Variants in POU2F1 observed in about 807,000 individuals in gnomAD.
POU2F1 encodes POU domain, class 2, transcription factor 1.
POU2F1 carries 16 observed loss-of-function variants against 84.9 expected under a neutral mutation model. That is an observed-to-expected ratio of 0.19 (90% CI 0.13 to 0.29). POU2F1 has a LOEUF of 0.29. POU2F1 is among the 10% of genes least tolerant of loss of function. The probability of loss-of-function intolerance (pLI) is 1.00; values close to 1 mark genes in which losing one functional copy is unlikely to be tolerated. For missense variants in POU2F1, 738 were observed against 942.6 expected (o/e 0.78, Z 2.84); for synonymous variants, 368 against 368.3 (o/e 1.00, Z 0.01).
Position 167,374,112 on chromosome 1 carries a change from C to T in POU2F1, c.407C>T (p.Thr136Ile). ...ATGTGTTCTGGTTTTGTTTAGCTTA[C>T]TTTGACGCCTGCCCAGCAACAGTTA... ...MLAGGQITGL[T>I]LTPAQQQLLL... is the part of the protein sequence containing the mutation. Residue 136 changes from threonine (T) to isoleucine (I), a missense_variant, in exon 6 of 16, where the codon ACT (threonine) becomes ATT (isoleucine). By Grantham distance (89) the Thr-to-Ile change is moderately conservative (BLOSUM62 -1). This residue lies in a region of POU2F1 where 163 missense variants were observed against 214.4 expected (regional missense o/e 0.76). Coordinates refer to ENST00000367866, the MANE Select transcript of POU2F1 (RefSeq NM_002697.4). 4.3e-6 allele frequency: 7 copies of T among 1,614,092 alleles called. No homozygotes were observed. Among genetic ancestry groups the T allele is most frequent in the Non-Finnish European group, 4.2e-6 (5 of 1,180,000 alleles).
At chr1:167,335,031 G>A (rs946954618) in intron 2 of POU2F1, among the ~76,000 whole-genome samples, 11 of 152,080 alleles carry the variant, frequency 7.2e-5, no homozygotes, top group African/African-American at 9.7e-5. Flanking sequence ...GTGTTGATAC[G>A]TTAATTCTAT....
chr1:167,286,994 C>G lies in POU2F1; in HGVS notation c.62-45476C>G, dbSNP rs73022209. On this transcript the variant is annotated intron_variant, in intron 1 of 15. Coordinates refer to ENST00000367866, the MANE Select transcript of POU2F1 (RefSeq NM_002697.4). ...CCTAAGTAAGGGCCTTTGTTCAAAC[C>G]ACACTCCAGAGCTTTGTGTTGTACT... is the stretch of plus-strand genomic sequence containing the variant. Among the ~76,000 whole-genome samples, 794 of 152,296 alleles carry G rather than the reference C, an allele frequency of 5.2e-3. 9 individuals are homozygous for G. Among genetic ancestry groups the G allele is most frequent in the African/African-American group, 0.018 (730 of 41,550 alleles).
intron 1 of POU2F1, among the ~76,000 whole-genome samples, chr1:167,282,265 T>C (rs1261398254): frequency 6.8e-6 from 1 of 146,812 alleles, no homozygotes; most frequent in Non-Finnish European, 1.5e-5. Context: ...TGCCTCAGCC[T>C]CCCGAATAGC....
rs375155883 is a variant in POU2F1, at chr1:167,372,040, A to G, written c.402+4A>G. On this transcript the variant is annotated splice_donor_region_variant and intron_variant, in intron 5 of 15. Coordinates refer to ENST00000367866, the MANE Select transcript of POU2F1 (RefSeq NM_002697.4). Reference sequence around the variant, plus strand: ...AGCTGGAGGACAGATAACTGGGGTAAGTGTTCACTGAGAGAATTATAACAA... The same window carrying G: ...AGCTGGAGGACAGATAACTGGGGTAGGTGTTCACTGAGAGAATTATAACAA... 1.4e-5 allele frequency: 23 copies of G among 1,609,416 alleles called. No individual in the cohort carries two copies. Among genetic ancestry groups the G allele is most frequent in the Non-Finnish European group, 2.0e-5 (23 of 1,178,206 alleles).
chr1:167,386,549 T>G (rs1233471120), intron 8 of POU2F1, among the ~76,000 whole-genome samples: 1 of 152,204 alleles, frequency 6.6e-6, no homozygotes. Flanking sequence ...TCCCTAGAAA[T>G]GAAAGCATAC....
intron 1 of POU2F1, among the ~76,000 whole-genome samples, chr1:167,253,216 G>C (rs1650858384): frequency 6.6e-6 from 1 of 152,170 alleles, no homozygotes; most frequent in African/African-American, 2.4e-5. Flanking sequence ...TGCTTTTAAT[G>C]GTTTGAATTA....
At position 167,265,487 on chromosome 1, in the gene POU2F1, G is replaced by A. The variant is rs1017741884; in HGVS notation, c.61+44529G>A. ...TGTCTAAAACCAAGCAATGTAGATG[G>A]CTGCCAAATTCACTAATGGCAGCAG... On this transcript the variant is annotated intron_variant, in intron 1 of 15. Transcript: ENST00000367866. Among the ~76,000 whole-genome samples, 8 of 152,146 alleles carry A rather than the reference G, an allele frequency of 5.3e-5. 1 individual carries two copies. The South Asian group carries it at 1.0e-3, about 20-fold the overall frequency.
In POU2F1 at chr1:167,398,135, T is replaced by C. The variant is rs750813152; in HGVS notation, c.1269+2T>C. On this transcript the variant is annotated splice_donor_variant, in intron 11 of 15. Coordinates refer to ENST00000367866, the MANE Select transcript of POU2F1 (RefSeq NM_002697.4). LOFTEE classifies it high-confidence loss of function. ...GCCTTAGAGAAGAGTTTCTTGGAGG[T>C]CAGTGAGGATTTTACTTTTCTGTAC... 6.8e-6 allele frequency: 11 copies of C among 1,613,062 alleles called. No individual in the cohort carries two copies. In the Admixed American group the frequency reaches 1.3e-4, roughly 20 times the overall value.
At chr1:167,364,581 C>CTTT (rs745794975) in intron 2 of POU2F1, among the ~76,000 whole-genome samples, 1 of 120,834 alleles carries the variant, frequency 8.3e-6, no homozygotes, top group African/African-American at 3.1e-5. Context: ...TTCTTTCTTT[C>CTTT]TTTTTTTTTT....
chr1:167,407,436 T>C (rs939843690), intron 13 of POU2F1, among the ~76,000 whole-genome samples: 7 of 152,224 alleles, frequency 4.6e-5, no homozygotes, highest in Admixed American at 1.3e-4. Flanking sequence ...GGACCAAGAA[T>C]AGCCAAAACA....
rs530183238 is a variant in POU2F1, at chr1:167,325,599, C to T, written c.62-6871C>T. 5.3e-5 allele frequency among the ~76,000 whole-genome samples: 8 copies of T among 152,068 alleles called. No homozygotes were observed. In the South Asian group the frequency reaches 1.7e-3, roughly 32 times the overall value. ...TCATGAATATAAAAATATTTTAATA[C>T]TAGTAGTGTCGGCTGGGCATGGTGG... On this transcript the variant is annotated intron_variant, in intron 1 of 15. Coordinates refer to ENST00000367866, the MANE Select transcript of POU2F1 (RefSeq NM_002697.4).
Position 167,374,288 on chromosome 1 carries a change from A to T in POU2F1, c.583A>T (p.Ile195Phe). 1 of 1,593,744 alleles carries T rather than the reference A, an allele frequency of 6.3e-7. No homozygotes were observed. The highest frequency in any genetic ancestry group is 8.5e-7 in the Non-Finnish European group (1 of 1,170,562). ...TQIPLSQPIQ[I>F]AQDLQQLQQL... Reference sequence around the variant, plus strand: ...GATCCCCCTGTCTCAGCCCATACAGATCGCACAGGTGAGTGAGGAACTCCA... The same window carrying T: ...GATCCCCCTGTCTCAGCCCATACAGTTCGCACAGGTGAGTGAGGAACTCCA... The change falls in exon 6 of 16, where the codon ATC becomes TTC. Residue 195 changes from isoleucine (I) to phenylalanine (F), a missense_variant. Coordinates refer to ENST00000367866, the MANE Select transcript of POU2F1 (RefSeq NM_002697.4).
Position 167,423,097 on chromosome 1 carries a change from G to A in POU2F1, c.*7287G>A, listed in dbSNP as rs568843975. On this transcript the variant is annotated 3_prime_UTR_variant, in exon 16 of 16. Coordinates refer to ENST00000367866, the MANE Select transcript of POU2F1 (RefSeq NM_002697.4). ...TAAATAGAACCAACACAGCCTATATGAGTTCAGACAATATTTAGATGTGGT... is the reference window on the plus strand; with the variant it reads ...TAAATAGAACCAACACAGCCTATATAAGTTCAGACAATATTTAGATGTGGT... 9 of 152,246 alleles carry A rather than the reference G, an allele frequency of 5.9e-5. No individual in the cohort carries two copies. The highest frequency in any genetic ancestry group is 2.2e-4 in the African/African-American group (9 of 41,550). 9.4% of individuals were successfully genotyped at this position (152,246 alleles called of 1,614,324 possible).
chr1:167,387,372 T>C (rs1648053533), intron 8 of POU2F1: 1 of 384,058 alleles, frequency 2.6e-6, no homozygotes, highest in Non-Finnish European at 5.3e-6. Context: ...GTGAGAAATG[T>C]ACAGCTACAT....
rs1419612677 is a variant in POU2F1, at chr1:167,404,126, C to T, written c.1555+2570C>T. 2.0e-5 allele frequency among the ~76,000 whole-genome samples: 3 copies of T among 151,522 alleles called. No homozygotes were observed. The East Asian group carries it at 5.8e-4, about 29-fold the overall frequency. On this transcript the variant is annotated intron_variant, in intron 13 of 15. Transcript: ENST00000367866. ...TTTAAAACTTGCCCTCATTGGCCTT[C>T]AGCAAGCATTTTCAATGTGAATTAA...
intron 2 of POU2F1, chr1:167,337,820 G>T (rs6686559): frequency 0.071 from 17,852 of 250,752 alleles, 2,057 homozygotes; most frequent in African/African-American, 0.3. Context: ...AAAGGACATT[G>T]ATTAGTAAGG....
chr1:167,229,821 A>G (rs886775677), intron 1 of POU2F1, among the ~76,000 whole-genome samples: 1 of 152,134 alleles, frequency 6.6e-6, no homozygotes, highest in African/African-American at 2.4e-5. Flanking sequence ...GGAGGAATGG[A>G]CACTCCTAAT....
intron 1 of POU2F1, among the ~76,000 whole-genome samples, chr1:167,272,430 G>T (rs1652440389): frequency 6.7e-6 from 1 of 149,690 alleles, no homozygotes. Flanking sequence ...GTATTAGTCA[G>T]TTCTTGCATT....
At chr1:167,389,071 C>T (rs1360453876) in intron 8 of POU2F1, among the ~76,000 whole-genome samples, 3 of 152,054 alleles carry the variant, frequency 2.0e-5, no homozygotes, top group Non-Finnish European at 2.9e-5. Context: ...TATACAAAAG[C>T]GAAACCTGTT....
Sources: allele counts gnomAD v4.1 joint callset (sites outside exome capture counted in the v4.1 genomes callset), GRCh38; gene constraint gnomAD v4.1.1; regional missense constraint gnomAD v4.1.1; transcripts MANE v1.5; gene names NCBI Gene and HGNC (gene_info 2026-07-23, HGNC 2026-07-21).